BMPR1B: variants seen among roughly 807,000 people sequenced by gnomAD.
BMPR1B encodes the protein bone morphogenetic protein receptor type-1B.
Under a neutral mutation model 59.1 loss-of-function variants are expected in BMPR1B, and 12 were observed. The ratio of observed to expected loss-of-function variants is 0.20; its 90% confidence interval spans 0.13 to 0.33. The LOEUF (loss-of-function observed/expected upper bound fraction) is 0.33, where lower values mean the gene tolerates loss of function less well. BMPR1B is among the 10% of genes least tolerant of loss of function. BMPR1B has a pLI of 1.00. For synonymous variants in BMPR1B, 237 were observed against 207.3 expected (o/e 1.14, Z -1.23); for missense variants, 550 against 610.9 (o/e 0.90, Z 1.05).
At chr4:94,768,816 A>G (rs1722068001) in intron 1 of BMPR1B, among the ~76,000 whole-genome samples, 2 of 152,192 alleles carry the variant, frequency 1.3e-5, no homozygotes, top group African/African-American at 4.8e-5. Flanking sequence ...GTTTTGTGAA[A>G]TGTTTATATT....
At chr4:95,111,656 T>C (rs1406885506) in intron 4 of BMPR1B, among the ~76,000 whole-genome samples, 1 of 152,084 alleles carries the variant, frequency 6.6e-6, no homozygotes, top group Non-Finnish European at 1.5e-5. Context: ...CTTGAAGTTT[T>C]AAAACAGGTA....
intron 2 of BMPR1B, among the ~76,000 whole-genome samples, chr4:94,950,715 CAGGT>C (rs1729900339): frequency 6.6e-6 from 1 of 152,106 alleles, no homozygotes; most frequent in African/African-American, 2.4e-5. Context: ...AGTTTGAAGT[CAGGT>C]AGCATGATGC....
At chr4:94,963,931 C>T (rs1730462926) in intron 2 of BMPR1B, among the ~76,000 whole-genome samples, 1 of 152,062 alleles carries the variant, frequency 6.6e-6, no homozygotes. Context: ...GTAGTATGTA[C>T]ATTTTAATGA....
intron 1 of BMPR1B, among the ~76,000 whole-genome samples, chr4:94,843,479 C>T (rs939854339): frequency 6.6e-6 from 1 of 152,178 alleles, no homozygotes; most frequent in Non-Finnish European, 1.5e-5. Flanking sequence ...AGGTGTCTAA[C>T]TTCAGATGAA....
At chr4:95,112,482 T>G (rs189576647) in intron 4 of BMPR1B, among the ~76,000 whole-genome samples, 1 of 152,242 alleles carries the variant, frequency 6.6e-6, no homozygotes, top group East Asian at 1.9e-4. Context: ...CTTGAACTTC[T>G]GTAATTGTAG....
chr4:95,120,171 C>T (rs1300684193), intron 6 of BMPR1B, among the ~76,000 whole-genome samples: 1 of 152,178 alleles, frequency 6.6e-6, no homozygotes, highest in East Asian at 1.9e-4. Context: ...CCTCCAGCTC[C>T]ATCCATGTTG....
At chr4:95,000,053 C>T (rs1251792921) in intron 3 of BMPR1B, among the ~76,000 whole-genome samples, 1 of 152,120 alleles carries the variant, frequency 6.6e-6, no homozygotes, top group Non-Finnish European at 1.5e-5. Context: ...AAAGTACTTA[C>T]ATTATATATG....
intron 1 of BMPR1B, among the ~76,000 whole-genome samples, chr4:94,848,835 G>C (rs10212893): frequency 0.61 from 93,149 of 151,850 alleles, 29,579 homozygotes; most frequent in African/African-American, 0.78. Flanking sequence ...CAAATAGAAA[G>C]GATTTTATTT....
At chr4:95,099,601 C>T (rs539737705) in intron 3 of BMPR1B, among the ~76,000 whole-genome samples, 4 of 151,736 alleles carry the variant, frequency 2.6e-5, no homozygotes, top group African/African-American at 7.3e-5. Context: ...GTTTCACGCG[C>T]GCACACGCAC....
intron 3 of BMPR1B, among the ~76,000 whole-genome samples, chr4:95,027,179 T>G (rs1252206678): frequency 6.6e-6 from 1 of 152,186 alleles, no homozygotes; most frequent in Non-Finnish European, 1.5e-5. Flanking sequence ...ACCAGCTAGC[T>G]TTGTTTGTAA....
intron 3 of BMPR1B, among the ~76,000 whole-genome samples, chr4:95,023,830 T>C (rs1481614656): frequency 6.6e-6 from 1 of 152,228 alleles, no homozygotes; most frequent in Non-Finnish European, 1.5e-5. Context: ...ATATGACTAA[T>C]GTGAGGACAT....
intron 3 of BMPR1B, among the ~76,000 whole-genome samples, chr4:95,058,355 G>C (rs904380931): frequency 6.6e-6 from 1 of 152,068 alleles, no homozygotes; most frequent in Non-Finnish European, 1.5e-5. Context: ...ATTGTCTTTG[G>C]TTCGTAGTTT....
At chr4:94,967,894 C>A (rs754940314) in intron 2 of BMPR1B, among the ~76,000 whole-genome samples, 45 of 152,102 alleles carry the variant, frequency 3.0e-4, no homozygotes, top group Non-Finnish European at 3.7e-4. Context: ...ACTATAATAG[C>A]TTAAAATAAA....
intron 3 of BMPR1B, among the ~76,000 whole-genome samples, chr4:95,026,550 T>G (rs951736961): frequency 1.3e-5 from 2 of 152,140 alleles, no homozygotes; most frequent in African/African-American, 4.8e-5. Flanking sequence ...TTTCCCTTAA[T>G]GTTTAAATTA....
chr4:94,818,290 CAGG>C (rs1183992497), intron 1 of BMPR1B, among the ~76,000 whole-genome samples: 6 of 152,090 alleles, frequency 3.9e-5, no homozygotes, highest in Non-Finnish European at 8.8e-5. Context: ...AAGTTTGTAT[CAGG>C]GGCTCTACTA....
chr4:94,836,708 T>G (rs1202889410), intron 1 of BMPR1B, among the ~76,000 whole-genome samples: 2 of 147,226 alleles, frequency 1.4e-5, no homozygotes, highest in Non-Finnish European at 3.0e-5. Context: ...TTTTGTAGGT[T>G]GCCTGTTCAC....
intron 2 of BMPR1B, among the ~76,000 whole-genome samples, chr4:94,934,551 A>T (rs1312055580): frequency 6.7e-6 from 1 of 148,972 alleles, no homozygotes. Context: ...GAAGGTGCTA[A>T]CCTAAACATC....
rs146342145 is a variant in BMPR1B at position 95,067,213 on chromosome 4, G to A, written c.-17-37195G>A. On this transcript the variant is annotated intron_variant, in intron 3 of 12. Transcript: ENST00000515059. ...GGTAGCATTTTACAGATTTAATAGG[G>A]CCTAGATCTACTCTTAAGTCCTGAA... Among the ~76,000 whole-genome samples the A allele has an allele frequency of 3.0e-3, 455 of 152,118 alleles. 5 individuals carry two copies. Among genetic ancestry groups the A allele is most frequent in the African/African-American group, 0.01 (433 of 41,476 alleles).
Position 95,088,335 on chromosome 4 carries a change from C to G in BMPR1B, c.-17-16073C>G, listed in dbSNP as rs1560643788. Among the ~76,000 whole-genome samples, 3 of 152,248 alleles carry G rather than the reference C, an allele frequency of 2.0e-5. No homozygotes were observed. The East Asian group carries it at 5.8e-4, about 29-fold the overall frequency. The stretch of plus-strand genomic sequence containing the variant: ...GAGGAGCCACTGAACTCCACAGAGA[C>G]AGGAGCCTGGCATAGTTGGGGGTGG... On this transcript the variant is annotated intron_variant, in intron 3 of 12. Coordinates refer to ENST00000515059, the MANE Select transcript of BMPR1B (RefSeq NM_001203.3).
Sources: allele counts gnomAD v4.1 joint callset (sites outside exome capture counted in the v4.1 genomes callset), GRCh38; gene constraint gnomAD v4.1.1; transcripts MANE v1.5; gene names NCBI Gene and HGNC (gene_info 2026-07-23, HGNC 2026-07-21).